Variants in PHYHIPL observed in about 807,000 individuals in gnomAD.
PHYHIPL encodes the protein phytanoyl-CoA 2-hydroxylase interacting protein like, also known as phytanoyl-CoA hydroxylase-interacting protein-like.
In PHYHIPL, 9 loss-of-function variants were observed where a neutral mutation model predicts 33.4. The ratio of observed to expected loss-of-function variants is 0.27; its 90% CI spans 0.16 to 0.47. The LOEUF (loss-of-function observed/expected upper bound fraction) is 0.47, where lower values mean the gene tolerates loss of function less well. PHYHIPL is among the 20% of genes least tolerant of loss of function. The probability of loss-of-function intolerance (pLI) is 0.99; values close to 1 mark genes in which losing one functional copy is unlikely to be tolerated. For missense variants in PHYHIPL, 365 were observed against 460.7 expected, an observed-to-expected ratio of 0.79 and a Z score of 1.90; for synonymous variants, 153 against 154.1, an observed-to-expected ratio of 0.99 and a Z score of 0.05.
intron 1 of PHYHIPL, among the ~76,000 whole-genome samples, chr10:59,209,926 A>G (rs1165286742): frequency 1.3e-5 from 2 of 152,136 alleles, no homozygotes; most frequent in Non-Finnish European, 2.9e-5. Flanking sequence ...ACAAAAATTA[A>G]CTCAAGATGG....
At chr10:59,190,403 A>G (rs931256451) in intron 1 of PHYHIPL, among the ~76,000 whole-genome samples, 3 of 151,896 alleles carry the variant, frequency 2.0e-5, no homozygotes, top group African/African-American at 7.2e-5. Context: ...GTTTCATTTG[A>G]GGGTAAGTGA....
At chr10:59,210,310 C>A (rs1377475455) in intron 1 of PHYHIPL, among the ~76,000 whole-genome samples, 2 of 152,082 alleles carry the variant, frequency 1.3e-5, no homozygotes. Flanking sequence ...ATGCAGCCAA[C>A]AAACAGATGA....
At chr10:59,219,234 G>C in intron 1 of PHYHIPL, 1 of 937,090 alleles carries the variant, frequency 1.1e-6, no homozygotes, top group Non-Finnish European at 1.3e-6. Flanking sequence ...AAGTGATTAA[G>C]TAGGAAGCCA....
At chr10:59,207,655 G>A (rs1423689973) in intron 1 of PHYHIPL, among the ~76,000 whole-genome samples, 7 of 152,162 alleles carry the variant, frequency 4.6e-5, no homozygotes, top group Non-Finnish European at 8.8e-5. Flanking sequence ...ACTTTGGGAG[G>A]CCAAGGCCAG....
Position 59,244,913 on chromosome 10 carries a change from A to C in PHYHIPL, c.597-144A>C, listed in dbSNP as rs930621116. 3.7e-6 allele frequency: 3 copies of C among 807,410 alleles called. No individual in the cohort carries two copies. The African/African-American group carries it at 5.2e-5, about 14-fold the overall frequency. 50.0% of individuals were successfully genotyped at this position (807,410 alleles called of 1,614,324 possible). On this transcript the variant is annotated intron_variant, in intron 4 of 4. Transcript: ENST00000373880. ...ACAGCCATCTATAGGTAATATGTCAAAAGATGTTGTCCCCTTATTCTGATA... is the reference window on the plus strand; with the variant it reads ...ACAGCCATCTATAGGTAATATGTCACAAGATGTTGTCCCCTTATTCTGATA...
chr10:59,179,417 A>G (rs1276642526), intron 1 of PHYHIPL, among the ~76,000 whole-genome samples: 1 of 152,206 alleles, frequency 6.6e-6, no homozygotes, highest in East Asian at 1.9e-4. Context: ...ATATTTCATA[A>G]TTTATGATAG....
intron 1 of PHYHIPL, among the ~76,000 whole-genome samples, chr10:59,215,106 A>G (rs1215608588): frequency 2.0e-5 from 3 of 152,058 alleles, no homozygotes; most frequent in Non-Finnish European, 4.4e-5. Context: ...TGGAAAGTTA[A>G]ATTCTTGCTC....
intron 2 of PHYHIPL, among the ~76,000 whole-genome samples, chr10:59,235,843 CAT>C (rs563729953): frequency 2.0e-4 from 30 of 151,866 alleles, no homozygotes; most frequent in Non-Finnish European, 3.5e-4. Context: ...TTCTGTGACA[CAT>C]AGACTCTATA....
rs147093771 is a variant in PHYHIPL at position 59,237,461 on chromosome 10, C to G, written c.478+804C>G. 2.6e-5 allele frequency among the ~76,000 whole-genome samples: 4 copies of G among 151,876 alleles called. No individual in the cohort carries two copies. The East Asian group carries it at 7.7e-4, about 29-fold the overall frequency. Reference sequence around the variant, plus strand: ...TCCTGTTCATCAAGATGACTGTTTCCTATAAAAAACTATAGACAGAGGCTG... The same window carrying G: ...TCCTGTTCATCAAGATGACTGTTTCGTATAAAAAACTATAGACAGAGGCTG... On this transcript the variant is annotated intron_variant, in intron 3 of 4. Coordinates refer to ENST00000373880, the MANE Select transcript of PHYHIPL (RefSeq NM_032439.4).
At chr10:59,188,704 C>A (rs1293248997) in intron 1 of PHYHIPL, among the ~76,000 whole-genome samples, 1 of 152,080 alleles carries the variant, frequency 6.6e-6, no homozygotes, top group African/African-American at 2.4e-5. Flanking sequence ...TGAATTGATC[C>A]CTTTACCATT....
chr10:59,200,371 G>A (rs559134372), intron 1 of PHYHIPL, among the ~76,000 whole-genome samples: 22 of 152,210 alleles, frequency 1.4e-4, no homozygotes, highest in Admixed American at 2.0e-4. Flanking sequence ...ATTGATTTGC[G>A]TATGTTAAAC....
Position 59,247,644 on chromosome 10 carries a change from G to A in PHYHIPL, c.*2053G>A. 6.2e-7 allele frequency: 1 copy of A among 1,613,516 alleles called. No individual in the cohort carries two copies. The highest frequency in any genetic ancestry group is 1.7e-5 in the Admixed American group (1 of 60,004). On this transcript the variant is annotated 3_prime_UTR_variant, in exon 5 of 5. Transcript: ENST00000373880. The stretch of plus-strand genomic sequence containing the variant: ...TAGTTTTGGCCACATCTTGCTTGCT[G>A]ATGAGGACCTCTAATAGTCTCAGTT...
chr10:59,209,315 A>G (rs1056035483), intron 1 of PHYHIPL, among the ~76,000 whole-genome samples: 2 of 152,122 alleles, frequency 1.3e-5, no homozygotes, highest in Non-Finnish European at 2.9e-5. Flanking sequence ...AGAATTTCAT[A>G]TCCAGCCAAA....
chr10:59,186,252 G>T (rs188974627), intron 1 of PHYHIPL, among the ~76,000 whole-genome samples: 3 of 152,234 alleles, frequency 2.0e-5, no homozygotes, highest in African/African-American at 7.2e-5. Context: ...TTTTTGTCAG[G>T]TTTGTCAAAG....
At chr10:59,243,285 A>G (rs1256836583) in intron 4 of PHYHIPL, among the ~76,000 whole-genome samples, 1 of 152,182 alleles carries the variant, frequency 6.6e-6, no homozygotes, top group Non-Finnish European at 1.5e-5. Flanking sequence ...TGAGAATCCT[A>G]TATCCGGTGA....
At chr10:59,241,339 T>G (rs1016826135) in intron 4 of PHYHIPL, among the ~76,000 whole-genome samples, 4 of 152,120 alleles carry the variant, frequency 2.6e-5, no homozygotes, top group African/African-American at 9.7e-5. Flanking sequence ...GGATAAATAC[T>G]TACTCAGTCC....
intron 1 of PHYHIPL, among the ~76,000 whole-genome samples, chr10:59,217,406 TG>T (rs1839648986): frequency 6.6e-6 from 1 of 152,174 alleles, no homozygotes; most frequent in South Asian, 2.1e-4. Context: ...ATAACTATTA[TG>T]TATATATTTT....
chr10:59,183,737 T>A, intron 1 of PHYHIPL: 1 of 934,414 alleles, frequency 1.1e-6, no homozygotes, highest in Non-Finnish European at 1.3e-6. Context: ...ATGTTATGAC[T>A]ATTTGAGCCA....
At chr10:59,219,801 G>A (rs755886255) in intron 1 of PHYHIPL, among the ~76,000 whole-genome samples, 2 of 152,022 alleles carry the variant, frequency 1.3e-5, no homozygotes, top group African/African-American at 4.8e-5. Flanking sequence ...CCTAAGGCAG[G>A]TTTAGAATCA....
Sources: allele counts gnomAD v4.1 joint callset (sites outside exome capture counted in the v4.1 genomes callset), GRCh38; gene constraint gnomAD v4.1.1; transcripts MANE v1.5; gene names NCBI Gene and HGNC (gene_info 2026-07-23, HGNC 2026-07-21).